JARID2: variants seen among roughly 807,000 people sequenced by gnomAD.
The protein encoded by JARID2 is jumonji and AT-rich interaction domain containing 2.
JARID2 carries 21 observed loss-of-function variants against 125.6 expected under a neutral mutation model. That is an observed-to-expected ratio of 0.17 (90% CI 0.12 to 0.24). The LOEUF is 0.24. Among genes scored for constraint, JARID2 ranks in the 10% least tolerant of loss-of-function variants. The probability of loss-of-function intolerance (pLI) is 1.00; values close to 1 mark genes in which losing one functional copy is unlikely to be tolerated. For missense variants in JARID2, 1,303 were observed against 1,639.6 expected (o/e 0.79, Z 3.55); for synonymous variants, 736 against 661.6 (o/e 1.11, Z -1.73).
At chr6:15,254,574 T>C (rs9464779) in intron 1 of JARID2, among the ~76,000 whole-genome samples, 92,293 of 151,998 alleles carry the variant, frequency 0.61, 28,350 homozygotes, top group African/African-American at 0.7. Context: ...GGTAGAAGTT[T>C]TTGAGAGCTA....
rs527504346 is a variant in JARID2 at position 15,458,959 on chromosome 6, A to C, written c.493+6784A>C. Among the ~76,000 whole-genome samples the C allele has an allele frequency of 1.6e-4, 24 of 152,356 alleles. No homozygotes were observed. In the South Asian group the frequency reaches 4.8e-3, roughly 30 times the overall value. ...TTCTTCAAGTCAGGGGTGACATCATAATACACCTATGAGGTTAGGAAGATG... is the reference window on the plus strand; with the variant it reads ...TTCTTCAAGTCAGGGGTGACATCATCATACACCTATGAGGTTAGGAAGATG... On this transcript the variant is annotated intron_variant, in intron 4 of 17. Transcript: ENST00000341776.
chr6:15,458,675 G>C (rs1038730627), intron 4 of JARID2, among the ~76,000 whole-genome samples: 1 of 152,226 alleles, frequency 6.6e-6, no homozygotes, highest in Non-Finnish European at 1.5e-5. Context: ...AAAATGCTGG[G>C]ATAGAAGTGT....
chr6:15,265,108 G>A (rs1416310103), intron 1 of JARID2, among the ~76,000 whole-genome samples: 3 of 152,178 alleles, frequency 2.0e-5, no homozygotes, highest in Non-Finnish European at 4.4e-5. Context: ...TGTGCAGGCT[G>A]TAGCTATTAT....
chr6:15,273,830 A>G (rs1760392137), intron 1 of JARID2, among the ~76,000 whole-genome samples: 2 of 152,118 alleles, frequency 1.3e-5, no homozygotes, highest in South Asian at 4.1e-4. Flanking sequence ...GAATGAAATG[A>G]CACCTAAAGA....
intron 1 of JARID2, among the ~76,000 whole-genome samples, chr6:15,353,043 T>TGG (rs1763483140): frequency 6.6e-6 from 1 of 152,182 alleles, no homozygotes; most frequent in South Asian, 2.1e-4. Context: ...TGTGGACTGT[T>TGG]TTTCACTTTT....
At chr6:15,376,788 G>C (rs917562513) in intron 2 of JARID2, among the ~76,000 whole-genome samples, 5 of 152,152 alleles carry the variant, frequency 3.3e-5, no homozygotes, top group African/African-American at 1.2e-4. Flanking sequence ...ATTTTGGGGA[G>C]CTACTTGGAA....
intron 1 of JARID2, 45 bp from the exon 2 acceptor site, chr6:15,374,072 T>A (rs776320863): frequency 6.3e-7 from 1 of 1,599,738 alleles, no homozygotes; most frequent in East Asian, 2.2e-5. Context: ...GAATATTGCC[T>A]TGCTTTCTAT....
intron 1 of JARID2, among the ~76,000 whole-genome samples, chr6:15,345,375 C>T (rs1250732747): frequency 6.6e-6 from 1 of 152,176 alleles, no homozygotes; most frequent in African/African-American, 2.4e-5. Context: ...CTGTCAATTA[C>T]GAGTTGCACC....
chr6:15,354,362 A>G (rs1763529320), intron 1 of JARID2, among the ~76,000 whole-genome samples: 1 of 152,240 alleles, frequency 6.6e-6, no homozygotes, highest in African/African-American at 2.4e-5. Context: ...CCACCAGCAC[A>G]GTGAAACTGA....
At chr6:15,452,680 T>C (rs1304460741) in intron 4 of JARID2, among the ~76,000 whole-genome samples, 10 of 152,226 alleles carry the variant, frequency 6.6e-5, no homozygotes, top group African/African-American at 1.7e-4. Flanking sequence ...TAATTGACAG[T>C]GCAAATACTG....
intron 1 of JARID2, among the ~76,000 whole-genome samples, chr6:15,261,338 G>A (rs961249158): frequency 7.1e-6 from 1 of 140,498 alleles, no homozygotes; most frequent in Non-Finnish European, 1.5e-5. Flanking sequence ...TTTTTGAGAC[G>A]GAGTCTTGCT....
rs942239632 is a variant in JARID2, at chr6:15,484,393, G to A, written c.671-2914G>A. ...TAATGACCCAGAGGAGTAGGAGGTT[G>A]TATTGGGTCTTGCTGAGACCAGTGT... On this transcript the variant is annotated intron_variant, in intron 5 of 17. Coordinates refer to ENST00000341776, the MANE Select transcript of JARID2 (RefSeq NM_004973.4). 2.0e-5 allele frequency among the ~76,000 whole-genome samples: 3 copies of A among 152,212 alleles called. No individual in the cohort carries two copies. The South Asian group carries it at 6.2e-4, about 31-fold the overall frequency.
chr6:15,479,336 T>G (rs1056496311), intron 5 of JARID2, among the ~76,000 whole-genome samples: 1 of 152,214 alleles, frequency 6.6e-6, no homozygotes, highest in Non-Finnish European at 1.5e-5. Flanking sequence ...TGTCCTGACC[T>G]TTATATTCTC....
intron 1 of JARID2, among the ~76,000 whole-genome samples, chr6:15,288,823 C>T (rs530725155): frequency 6.6e-6 from 1 of 152,326 alleles, no homozygotes; most frequent in East Asian, 1.9e-4. Context: ...TAACTAGGCC[C>T]TGTGGGGTTA....
chr6:15,258,742 A>G (rs1759762542), intron 1 of JARID2, among the ~76,000 whole-genome samples: 1 of 152,190 alleles, frequency 6.6e-6, no homozygotes, highest in African/African-American at 2.4e-5. Context: ...AGATTGCGCC[A>G]CTGCACTCCA....
chr6:15,307,337 C>G (rs1253042767), intron 1 of JARID2, among the ~76,000 whole-genome samples: 2 of 152,074 alleles, frequency 1.3e-5, no homozygotes, highest in African/African-American at 4.8e-5. Context: ...ATTCTCCTGC[C>G]TCAGCCTCCC....
intron 1 of JARID2, among the ~76,000 whole-genome samples, chr6:15,363,555 A>T (rs1763872237): frequency 6.6e-6 from 1 of 152,160 alleles, no homozygotes. Context: ...AGTGCCTGCT[A>T]CGTGCTGGAC....
intron 1 of JARID2, among the ~76,000 whole-genome samples, chr6:15,371,836 A>T (rs1208944077): frequency 6.6e-6 from 1 of 152,110 alleles, no homozygotes; most frequent in Non-Finnish European, 1.5e-5. Context: ...TGGTCTGTGG[A>T]TGTTTTGGCT....
chr6:15,251,228 C>G (rs1759438318), intron 1 of JARID2, among the ~76,000 whole-genome samples: 1 of 152,198 alleles, frequency 6.6e-6, no homozygotes, highest in Non-Finnish European at 1.5e-5. Context: ...ATTGGCCTAG[C>G]TGGTCTTGAA....
Sources: gnomAD v4.1 joint callset for allele counts (sites outside exome capture counted in the v4.1 genomes callset) on GRCh38, gnomAD v4.1.1 for gene constraint, MANE v1.5 for transcripts, NCBI Gene and HGNC (gene_info 2026-07-23, HGNC 2026-07-21) for gene names.